Variants in DNAH17 observed in about 807,000 individuals in gnomAD.
DNAH17 encodes dynein axonemal heavy chain 17, also known as axonemal beta dynein heavy chain 17.
In DNAH17, 376 loss-of-function variants were observed where a neutral mutation model predicts 485.6. The ratio of observed to expected loss-of-function variants is 0.77; its 90% CI spans 0.71 to 0.84. The LOEUF is 0.84. Ranked by LOEUF, DNAH17 falls within the 40% of genes least tolerant of loss-of-function variation. The pLI, the probability that DNAH17 is intolerant of heterozygous loss-of-function variation, is 0.00. For synonymous variants in DNAH17, 3,031 were observed against 2,405.9 expected (o/e 1.26, Z -7.60); for missense variants, 6,370 against 5,839.3 (o/e 1.09, Z -2.96).
intron 14 of DNAH17, among the ~76,000 whole-genome samples, chr17:78,553,320 AAGAT>A (rs2091951498): frequency 5.3e-5 from 2 of 37,706 alleles, no homozygotes; most frequent in African/African-American, 2.1e-4. Flanking sequence ...TTTTTTTTTT[AAGAT>A]GGAGTCTCAC....
chr17:78,532,604 G>A lies in DNAH17; in HGVS notation c.2992C>T (p.Leu998=), dbSNP rs1445911076. 2 of 1,607,588 alleles carry A rather than the reference G, an allele frequency of 1.2e-6. No individual in the cohort carries two copies. Among genetic ancestry groups the A allele is most frequent in the Non-Finnish European group, 1.7e-6 (2 of 1,176,852 alleles). The change falls in exon 20 of 81, where the codon CTG becomes TTG. Residue 998 remains leucine (L), a synonymous_variant. Transcript: ENST00000389840. ...AGGAAATTCTTCATAAACTCCTGCA[G>A]GTTGTCCGTCCAGAGGTAGGAGTAC... ...ERYSYLWTDN[L]QEFMKNFLIY... is the part of the protein sequence containing the mutation.
chr17:78,449,310 G>C (rs776817216), intron 69 of DNAH17, 104 bp downstream of exon 69: 17 of 1,245,916 alleles, frequency 1.4e-5, no homozygotes, highest in South Asian at 5.9e-5. Context: ...GAAATCACCA[G>C]GTTTGGGTGG....
At chr17:78,453,313 G>A in intron 65 of DNAH17, 30 bp downstream of exon 65, 4 of 1,608,308 alleles carry the variant, frequency 2.5e-6, no homozygotes, top group Non-Finnish European at 2.5e-6. Context: ...TGTTTACCTG[G>A]CTCAAGCCAC....
intron 54 of DNAH17, among the ~76,000 whole-genome samples, chr17:78,474,215 G>T (rs576865392): frequency 1.4e-4 from 21 of 152,364 alleles, no homozygotes; most frequent in Non-Finnish European, 3.1e-4. Context: ...CACGTACTGC[G>T]GGAGGGTCCC....
chr17:78,451,282 T>C (rs1320313015), intron 66 of DNAH17, among the ~76,000 whole-genome samples, 187 bp downstream of exon 66: 2 of 152,198 alleles, frequency 1.3e-5, no homozygotes, highest in Non-Finnish European at 2.9e-5. Context: ...AGGGGACAGC[T>C]GGGGAAGGAA....
chr17:78,463,528 G>A lies in DNAH17; in HGVS notation c.8941-451C>T, dbSNP rs116668452. The stretch of plus-strand genomic sequence containing the variant: ...CATATGCATTCACATACCTGCATAT[G>A]TACACGTGCACATGCATTCACATAC... On this transcript the variant is annotated intron_variant, in intron 56 of 80. Transcript: ENST00000389840. Among the ~76,000 whole-genome samples, 754 of 149,784 alleles carry A rather than the reference G, an allele frequency of 5.0e-3. 9 individuals are homozygous for A. Among genetic ancestry groups the A allele is most frequent in the African/African-American group, 0.017 (701 of 40,658 alleles).
Position 78,485,534 on chromosome 17 carries a change from G to A in DNAH17, c.7483+16C>T. The A allele has an allele frequency of 1.3e-6, 2 of 1,572,394 alleles. No individual in the cohort carries two copies. Among genetic ancestry groups the A allele is most frequent in the Non-Finnish European group, 1.7e-6 (2 of 1,160,690 alleles). On this transcript the variant is annotated intron_variant, in intron 47 of 80. Transcript: ENST00000389840. ...GGGGCAGCCGGGTAGGCAGGGCGTG[G>A]CCGGACCAGCCTCACCCTGCAGCAT...
At position 78,506,860 on chromosome 17, in the gene DNAH17, A is replaced by T; in HGVS notation, c.4677-14T>A. 6.2e-7 allele frequency: 1 copy of T among 1,613,874 alleles called. No homozygotes were observed. The highest frequency in any genetic ancestry group is 8.5e-7 in the Non-Finnish European group (1 of 1,179,844). ...CAGATGGCCAAGCTGGGAGGAAGGA[A>T]GGAAGTAGAGGAGGCCGGTGACCCT... On this transcript the variant is annotated splice_polypyrimidine_tract_variant and intron_variant, in intron 29 of 80. Transcript: ENST00000389840.
intron 19 of DNAH17, among the ~76,000 whole-genome samples, chr17:78,534,398 C>T (rs773202406): frequency 6.6e-6 from 1 of 151,752 alleles, no homozygotes; most frequent in Non-Finnish European, 1.5e-5. Context: ...CTGGGCCGGG[C>T]CACCCTGCAT....
At chr17:78,460,347 T>C in intron 58 of DNAH17, 90 bp from the exon 59 acceptor site, 1 of 986,500 alleles carries the variant, frequency 1.0e-6, no homozygotes, top group Non-Finnish European at 1.5e-6. Flanking sequence ...TGTGTGTGCA[T>C]GTGTGTGCAT....
chr17:78,550,756 G>A (rs76328250), intron 16 of DNAH17, among the ~76,000 whole-genome samples: 1,984 of 152,278 alleles, frequency 0.013, 43 homozygotes, highest in African/African-American at 0.044. Flanking sequence ...ACACAGGGCC[G>A]TTTCTGGAGC....
At chr17:78,522,792 TA>T in intron 25 of DNAH17, 1 of 224,892 alleles carries the variant, frequency 4.4e-6, no homozygotes. Flanking sequence ...GCTCTTTTGG[TA>T]AAGAGGAGAC....
Position 78,564,478 on chromosome 17 carries a change from C to T in DNAH17, c.1569+2136G>A, listed in dbSNP as rs528513357. Among the ~76,000 whole-genome samples the T allele has an allele frequency of 7.2e-5, 11 of 152,216 alleles. No individual in the cohort carries two copies. In the East Asian group the frequency reaches 2.1e-3, roughly 29 times the overall value. On this transcript the variant is annotated intron_variant, in intron 11 of 80. Coordinates refer to ENST00000389840, the MANE Select transcript of DNAH17 (RefSeq NM_173628.4). ...AAGCCAGCTGCCCGCCCGCCCAGCC[C>T]ATAAGCCTGTGCCCCATCTTTAATT...
At chr17:78,560,501 G>A (rs993154926) in intron 13 of DNAH17, among the ~76,000 whole-genome samples, 3 of 151,820 alleles carry the variant, frequency 2.0e-5, no homozygotes, top group African/African-American at 7.3e-5. Flanking sequence ...GTTTCAAATT[G>A]TCATTTCTTC....
intron 44 of DNAH17, among the ~76,000 whole-genome samples, chr17:78,489,775 A>T (rs1425112494): frequency 7.4e-6 from 1 of 135,976 alleles, no homozygotes; most frequent in African/African-American, 2.7e-5. Context: ...CCAGCATGGA[A>T]TATCCTGGGG....
At chr17:78,459,387 A>G (rs1439099321) in intron 60 of DNAH17, among the ~76,000 whole-genome samples, 179 bp from the exon 61 acceptor site, 1 of 151,776 alleles carries the variant, frequency 6.6e-6, no homozygotes, top group Non-Finnish European at 1.5e-5. Context: ...CACTCCCATT[A>G]CCCCACAGTG....
rs1043338149 is a variant in DNAH17 at position 78,491,449 on chromosome 17, G to A, written c.6663C>T (p.Asp2221=). ...WIESLNTVMD[D]NKVLTLASNE... Reference sequence around the variant, plus strand: ...GAGTCCAGGGCCCGCGAACCTTGTTGTCATCCATGACTGTGTTGAGAGACT... The same window carrying A: ...GAGTCCAGGGCCCGCGAACCTTGTTATCATCCATGACTGTGTTGAGAGACT... The change falls in exon 43 of 81, where the codon GAC becomes GAT. Residue 2221 remains aspartate, a synonymous_variant. Transcript: ENST00000389840. 5 of 1,612,768 alleles carry A rather than the reference G, an allele frequency of 3.1e-6. No homozygotes were observed. In the African/African-American group the frequency reaches 5.3e-5, roughly 17 times the overall value.
intron 44 of DNAH17, among the ~76,000 whole-genome samples, chr17:78,489,199 A>G (rs565900190): frequency 3.3e-5 from 5 of 152,186 alleles, no homozygotes; most frequent in African/African-American, 4.8e-5. Context: ...GCCTCCCAGC[A>G]GAGGGTCTCA....
In DNAH17 at chr17:78,556,834, G is replaced by A. The variant is rs113008225; in HGVS notation, c.2178+1274C>T. 8.8e-3 allele frequency among the ~76,000 whole-genome samples: 1,345 copies of A among 152,280 alleles called. 9 individuals carry two copies. The highest frequency in any genetic ancestry group is 0.013 in the Non-Finnish European group (882 of 68,024). On this transcript the variant is annotated intron_variant, in intron 14 of 80. Transcript: ENST00000389840. ...CCACTCAGCAATAAAATTGACTCAC[G>A]TTTAAAAAGAAGAAGAATGGTGCTA...
Sources: gnomAD v4.1 joint callset for allele counts (sites outside exome capture counted in the v4.1 genomes callset) on GRCh38, gnomAD v4.1.1 for gene constraint, MANE v1.5 for transcripts, NCBI Gene and HGNC (gene_info 2026-07-23, HGNC 2026-07-21) for gene names.